The following COL4A6 variants were observed in gnomAD, a reference collection of about 807,000 sequenced individuals.
COL4A6 encodes collagen alpha-6(IV) chain.
A neutral mutation model predicts 126.7 loss-of-function variants in COL4A6; 59 were observed. The observed-to-expected ratio is 0.47, with a 90% CI of 0.38 to 0.58. The LOEUF is 0.58. Among genes scored for constraint, COL4A6 ranks in the 20% least tolerant of loss-of-function variants. The pLI is 0.00. For synonymous variants in COL4A6, 547 were observed against 496.6 expected (o/e 1.10, Z -1.35); for missense variants, 1,285 against 1,337.3 (o/e 0.96, Z 0.61).
chrX:108,358,957 C>T (rs1425720802), intron 2 of COL4A6, among the ~76,000 whole-genome samples: 3 of 111,166 alleles, frequency 2.7e-5, no homozygotes, highest in Non-Finnish European at 3.8e-5. Context: ...GGGAGTACAT[C>T]GAAAAGAGCT....
intron 44 of COL4A6, among the ~76,000 whole-genome samples, chrX:108,159,040 A>G (rs1198132719): frequency 9.0e-6 from 1 of 111,705 alleles, no homozygotes; most frequent in Non-Finnish European, 1.9e-5. Context: ...CAGAGGCCAG[A>G]GGGATCTGGG....
At chrX:108,285,220 C>G (rs2037974251) in intron 3 of COL4A6, among the ~76,000 whole-genome samples, 1 of 111,088 alleles carries the variant, frequency 9.0e-6, no homozygotes, top group African/African-American at 3.3e-5. Context: ...GTAGGAGAGC[C>G]CAAGAGGAAA....
rs779511189 is a variant in COL4A6 at position 108,291,384 on chromosome X, T to A, written c.144+19364A>T. ...TGATCATATTGTATAAATACTTGTT[T>A]TCCATAATTCTCACTTAACATTATG... is the stretch of plus-strand genomic sequence containing the variant. On this transcript the variant is annotated intron_variant, in intron 3 of 44. Coordinates refer to ENST00000334504, the MANE Select transcript of COL4A6 (RefSeq NM_033641.4). Among the ~76,000 whole-genome samples the A allele has an allele frequency of 3.6e-5, 4 of 112,382 alleles. No homozygotes were observed. The East Asian group carries it at 8.4e-4, about 23-fold the overall frequency.
chrX:108,223,406 G>T (rs1419364338), intron 3 of COL4A6, among the ~76,000 whole-genome samples: 2 of 111,484 alleles, frequency 1.8e-5, no homozygotes, highest in African/African-American at 6.5e-5. Flanking sequence ...AGAAAATGTG[G>T]GCCTAGGTTT....
At chrX:108,242,908 A>T (rs1034476016) in intron 3 of COL4A6, among the ~76,000 whole-genome samples, 3 of 111,766 alleles carry the variant, frequency 2.7e-5, no homozygotes, top group Non-Finnish European at 5.6e-5. Context: ...CCCATAGCAT[A>T]TAAAAAGCTC....
chrX:108,323,607 C>T (rs2039081187), intron 2 of COL4A6, among the ~76,000 whole-genome samples: 1 of 111,907 alleles, frequency 8.9e-6, no homozygotes, highest in South Asian at 3.7e-4. Flanking sequence ...TTCCATTTTC[C>T]TGGAATACCT....
chrX:108,235,878 A>C (rs1397812039), intron 3 of COL4A6, among the ~76,000 whole-genome samples: 1 of 110,505 alleles, frequency 9.0e-6, no homozygotes, highest in African/African-American at 3.3e-5. Flanking sequence ...AAAGCAAGCA[A>C]AACAGGCTAA....
chrX:108,244,753 T>C (rs1021066948), intron 3 of COL4A6, among the ~76,000 whole-genome samples: 1 of 111,672 alleles, frequency 9.0e-6, no homozygotes, highest in Non-Finnish European at 1.9e-5. Context: ...ATGCAGATAA[T>C]CAAGAAATGA....
At chrX:108,275,776 C>T (rs372515865) in intron 3 of COL4A6, among the ~76,000 whole-genome samples, 6 of 112,864 alleles carry the variant, frequency 5.3e-5, no homozygotes, top group African/African-American at 1.3e-4. Context: ...TCTCCAAGGC[C>T]GAAACCCAAA....
At chrX:108,249,873 T>G (rs1021725655) in intron 3 of COL4A6, among the ~76,000 whole-genome samples, 2 of 111,558 alleles carry the variant, frequency 1.8e-5, no homozygotes, top group Non-Finnish European at 3.8e-5. Flanking sequence ...CTTTCAGGAG[T>G]CTGCAGTTGT....
intron 2 of COL4A6, among the ~76,000 whole-genome samples, chrX:108,316,891 G>T (rs1194961037): frequency 8.9e-6 from 1 of 112,372 alleles, no homozygotes; most frequent in Admixed American, 9.4e-5. Context: ...TAAAGCCAGA[G>T]TTGGAGCAAG....
intron 3 of COL4A6, among the ~76,000 whole-genome samples, chrX:108,280,667 CA>C (rs980373500): frequency 2.7e-5 from 3 of 111,441 alleles, no homozygotes; most frequent in African/African-American, 9.8e-5. Context: ...ATCCTGATAC[CA>C]AAGCCGGGCA....
chrX:108,322,165 A>G (rs1484069217), intron 2 of COL4A6, among the ~76,000 whole-genome samples: 1 of 111,691 alleles, frequency 9.0e-6, no homozygotes. Context: ...GAACATACAC[A>G]CACACGGGCA....
intron 36 of COL4A6, 111 bp downstream of exon 36, chrX:108,169,834 G>A: frequency 1.2e-6 from 1 of 851,026 alleles, no homozygotes; most frequent in Admixed American, 3.3e-5. Flanking sequence ...AATAAGGAGA[G>A]CTATGAGTCC....
chrX:108,354,594 T>G, intron 2 of COL4A6, among the ~76,000 whole-genome samples: 1 of 50,982 alleles, frequency 2.0e-5, no homozygotes, highest in African/African-American at 8.0e-5. Context: ...GCAGTTTAAA[T>G]CCCTCCCCCC....
chrX:108,253,918 G>A (rs1486022698), intron 3 of COL4A6, among the ~76,000 whole-genome samples: 1 of 111,347 alleles, frequency 9.0e-6, no homozygotes, highest in African/African-American at 3.3e-5. Context: ...TCATATAATG[G>A]GACCTCTTGG....
chrX:108,416,998 C>T (rs1441930077), intron 2 of COL4A6, among the ~76,000 whole-genome samples: 1 of 112,271 alleles, frequency 8.9e-6, no homozygotes, highest in Admixed American at 9.5e-5. Flanking sequence ...ATCTAAAGTT[C>T]ACTTAATACT....
intron 2 of COL4A6, among the ~76,000 whole-genome samples, chrX:108,318,266 C>A (rs1485423751): frequency 9.0e-6 from 1 of 111,687 alleles, no homozygotes; most frequent in Non-Finnish European, 1.9e-5. Context: ...CAGCCAGTAT[C>A]ATAATGAATG....
intron 3 of COL4A6, among the ~76,000 whole-genome samples, chrX:108,302,599 T>C (rs1009743748): frequency 9.0e-6 from 1 of 111,292 alleles, no homozygotes; most frequent in Non-Finnish European, 1.9e-5. Context: ...GGGTTAAATG[T>C]AGTTAGATAA....
Sources: gnomAD v4.1 joint callset for allele counts (sites outside exome capture counted in the v4.1 genomes callset) on GRCh38, gnomAD v4.1.1 for gene constraint, MANE v1.5 for transcripts, NCBI Gene and HGNC (gene_info 2026-07-23, HGNC 2026-07-21) for gene names.